The following ADD1 variants were observed in gnomAD, a reference collection of about 807,000 sequenced individuals.
The protein encoded by ADD1 is alpha-adducin.
A neutral mutation model predicts 80.5 loss-of-function variants in ADD1; 24 were observed. That is an observed-to-expected ratio of 0.30 (90% CI 0.22 to 0.42). The LOEUF (loss-of-function observed/expected upper bound fraction) is 0.42, where lower values mean the gene tolerates loss of function less well. Ranked by LOEUF, ADD1 falls within the 10% of genes least tolerant of loss-of-function variation. The probability of loss-of-function intolerance (pLI) is 1.00; values close to 1 mark genes in which losing one functional copy is unlikely to be tolerated. For missense variants in ADD1, 948 were observed against 1,019.0 expected, an observed-to-expected ratio of 0.93 and a Z score of 0.95; for synonymous variants, 373 against 393.8, an observed-to-expected ratio of 0.95 and a Z score of 0.63.
At chr4:2,855,250 A>C (rs757207233) in intron 1 of ADD1, among the ~76,000 whole-genome samples, 30 of 152,180 alleles carry the variant, frequency 2.0e-4, no homozygotes, top group Non-Finnish European at 4.0e-4. Context: ...CAGCTTACTA[A>C]AAGAGTGTCT....
At chr4:2,863,223 T>A (rs1174735240) in intron 1 of ADD1, among the ~76,000 whole-genome samples, 4 of 141,688 alleles carry the variant, frequency 2.8e-5, no homozygotes, top group South Asian at 2.1e-4. Flanking sequence ...TTTTTAATTT[T>A]TTTTTTTTTT....
intron 1 of ADD1, among the ~76,000 whole-genome samples, chr4:2,869,802 C>T (rs972719946): frequency 6.6e-6 from 1 of 152,198 alleles, no homozygotes; most frequent in Non-Finnish European, 1.5e-5. Flanking sequence ...GAAGATACTG[C>T]AGAGATCACC....
chr4:2,852,182 CTTTCTTTCTTT>C lies in ADD1; in HGVS notation c.-21+8159_-21+8169del, dbSNP rs1727244819. 6.2e-5 allele frequency among the ~76,000 whole-genome samples: 4 copies of C among 64,030 alleles called. No individual in the cohort carries two copies. In the South Asian group the frequency reaches 2.2e-3, roughly 35 times the overall value. The allele number at this position is 64,030 out of a possible 152,430, so 42.0% of individuals were successfully genotyped here. Reference sequence around the variant, plus strand: ...TCTTTCTTTCTTTCTTTCTTTCTTTCTTTCTTTCTTTCTTTCCTTTCTTTCCTTTCCTTTCT... The same window carrying C: ...TCTTTCTTTCTTTCTTTCTTTCTTTCCTTTCCTTTCTTTCCTTTCCTTTCT... On this transcript the variant is annotated intron_variant, in intron 1 of 15. Transcript: ENST00000683351.
intron 9 of ADD1, chr4:2,899,934 GC>G: frequency 8.4e-6 from 2 of 238,088 alleles, no homozygotes; most frequent in South Asian, 1.0e-4. Context: ...CAGAAGGCGG[GC>G]TTATGGGGCC....
intron 2 of ADD1, among the ~76,000 whole-genome samples, chr4:2,877,227 C>T (rs1233936196): frequency 6.6e-6 from 1 of 151,922 alleles, no homozygotes; most frequent in African/African-American, 2.4e-5. Context: ...TTTGTCCCTT[C>T]TTCTTCTGAT....
At position 2,929,115 on chromosome 4, in the gene ADD1, C is replaced by T. The variant is rs867064284; in HGVS notation, c.*592C>T. On this transcript the variant is annotated 3_prime_UTR_variant, in exon 16 of 16. Transcript: ENST00000683351. ...GGCAGATGGGCCTGTGTGCACCCAA[C>T]GTGATGCTATGCATGTCTGACCGAC... 2 of 152,482 alleles carry T rather than the reference C, an allele frequency of 1.3e-5. No individual in the cohort carries two copies. Among genetic ancestry groups the T allele is most frequent in the South Asian group, 2.1e-4 (1 of 4,870 alleles). 9.4% of individuals were successfully genotyped at this position (152,482 alleles called of 1,614,324 possible).
At chr4:2,848,318 A>T (rs555049726) in intron 1 of ADD1, among the ~76,000 whole-genome samples, 1 of 152,256 alleles carries the variant, frequency 6.6e-6, no homozygotes. Context: ...AGGAACCTTG[A>T]GTTTAAAGGA....
chr4:2,913,080 T>A (rs1330799456), intron 13 of ADD1, among the ~76,000 whole-genome samples: 1 of 152,020 alleles, frequency 6.6e-6, no homozygotes, highest in Non-Finnish European at 1.5e-5. Context: ...ACTCCTGACC[T>A]CAGGTGATCC....
In ADD1 at chr4:2,894,024, C is replaced by A. The variant is rs1400559819; in HGVS notation, c.522C>A (p.Asn174Lys). Residue 174 changes from asparagine to lysine, a missense_variant, in exon 5 of 16, where the codon AAC becomes AAA. Asn to Lys is a moderately conservative substitution (Grantham distance 94). Coordinates refer to ENST00000683351, the MANE Select transcript of ADD1 (RefSeq NM_001354761.2). Reference sequence around the variant, plus strand: ...CATTTTCCCCACAGACCAGAGTGAACTCCGAGCAGGAACACTTCCTCATTG... The same window carrying A: ...CATTTTCCCCACAGACCAGAGTGAAATCCGAGCAGGAACACTTCCTCATTG... The part of the protein sequence containing the change: ...LIYNHITTRV[N>K]SEQEHFLIVP... The A allele has an allele frequency of 6.2e-7, 1 of 1,614,110 alleles. No homozygotes were observed.
intron 9 of ADD1, 59 bp from the exon 10 acceptor site, chr4:2,904,705 G>A: frequency 6.6e-7 from 1 of 1,503,914 alleles, no homozygotes; most frequent in Non-Finnish European, 9.2e-7. Context: ...ATTTTCCAAA[G>A]TGAAACCCTG....
Position 2,898,217 on chromosome 4 carries a change from T to C in ADD1, c.775T>C (p.Ser259Pro). ...SAMKCGLLPI[S>P]PEALSLGEVA... is the part of the protein sequence containing the mutation. The stretch of plus-strand genomic sequence containing the variant: ...AATGAAATGTGGCCTCTTGCCAATC[T>C]CCCCGGAGGCGCTTTCCCTTGGAGA... The change falls in exon 7 of 16, where the codon TCC becomes CCC. Residue 259 changes from serine (S) to proline (P), a missense_variant. Ser to Pro is a moderately conservative substitution (Grantham distance 74). Coordinates refer to ENST00000683351, the MANE Select transcript of ADD1 (RefSeq NM_001354761.2). 1 of 1,613,802 alleles carries C rather than the reference T, an allele frequency of 6.2e-7. No homozygotes were observed. The highest frequency in any genetic ancestry group is 8.5e-7 in the Non-Finnish European group (1 of 1,179,824).
chr4:2,868,321 A>C (rs1212560185), intron 1 of ADD1, among the ~76,000 whole-genome samples: 1 of 152,102 alleles, frequency 6.6e-6, no homozygotes, highest in African/African-American at 2.4e-5. Context: ...CAGGTTTCCA[A>C]GTGTTTGTAA....
chr4:2,854,508 T>A (rs6600769), intron 1 of ADD1, among the ~76,000 whole-genome samples: 36,849 of 152,082 alleles, frequency 0.24, 4,856 homozygotes, highest in Non-Finnish European at 0.28. Flanking sequence ...ATGGTAGATT[T>A]GTCAGTTTCT....
At position 2,929,918 on chromosome 4, in the gene ADD1, T is replaced by C. The variant is rs1712755766; in HGVS notation, c.*1395T>C. On this transcript the variant is annotated 3_prime_UTR_variant, in exon 16 of 16. Transcript: ENST00000683351. ...CCTTTACCCCACATATGCAATGACT[T>C]TTAATTTTCACTTTTGTAGTTTAAT... 6.5e-6 allele frequency: 1 copy of C among 152,684 alleles called. No individual in the cohort carries two copies. Among genetic ancestry groups the C allele is most frequent in the African/African-American group, 2.4e-5 (1 of 41,466 alleles). 9.5% of individuals were successfully genotyped at this position (152,684 alleles called of 1,614,324 possible). A position where few individuals can be genotyped will look rare whatever the true frequency, so the allele number is the denominator to read the frequency against.
chr4:2,887,936 G>C (rs1733660505), intron 4 of ADD1, among the ~76,000 whole-genome samples: 1 of 152,218 alleles, frequency 6.6e-6, no homozygotes, highest in East Asian at 1.9e-4. Context: ...TAGATTCAGA[G>C]AATTGAATGT....
At position 2,926,556 on chromosome 4, in the gene ADD1, T is replaced by C; in HGVS notation, c.2047+444T>C. The C allele has an allele frequency of 6.7e-7, 1 of 1,502,408 alleles. No homozygotes were observed. The highest frequency in any genetic ancestry group is 9.2e-7 in the Non-Finnish European group (1 of 1,090,420). The allele number at this position is 1,502,408 out of a possible 1,614,324, so 93.1% of individuals were successfully genotyped here. On this transcript the variant is annotated intron_variant, in intron 15 of 15. Transcript: ENST00000683351. The surrounding 1 kb of genome is among the most constrained non-coding windows in gnomAD (Gnocchi z 5.0). ...TCTCGTGAAGCCCGTGGCCCTGCCT[T>C]TCTTCTTCTGTAACCTGATGGCTGT...
At chr4:2,895,653 A>C (rs2109011485) in intron 6 of ADD1, among the ~76,000 whole-genome samples, 1 of 152,254 alleles carries the variant, frequency 6.6e-6, no homozygotes, top group East Asian at 1.9e-4. Flanking sequence ...CTTAGCTTCC[A>C]AGCTGCTCAG....
intron 14 of ADD1, among the ~76,000 whole-genome samples, chr4:2,915,483 G>GA (rs1211963579): frequency 6.6e-6 from 1 of 152,000 alleles, no homozygotes; most frequent in African/African-American, 2.4e-5. Flanking sequence ...TAGGAAAATA[G>GA]AAAAAAAATT....
At chr4:2,889,139 G>A (rs1379085260) in intron 4 of ADD1, among the ~76,000 whole-genome samples, 1 of 152,156 alleles carries the variant, frequency 6.6e-6, no homozygotes, top group Non-Finnish European at 1.5e-5. Flanking sequence ...TTAATATAGT[G>A]TCCTTTGGGC....
Sources: allele counts gnomAD v4.1 joint callset (sites outside exome capture counted in the v4.1 genomes callset), GRCh38; gene constraint gnomAD v4.1.1; non-coding constraint Gnocchi (gnomAD v3.1); transcripts MANE v1.5; gene names NCBI Gene and HGNC (gene_info 2026-07-23, HGNC 2026-07-21).